The following GARIN3 variants were observed in gnomAD, a reference collection of about 807,000 sequenced individuals.
GARIN3 encodes the protein golgi associated RAB2 interactor family member 3.
At chr5:157,166,219 A>G in the GARIN3 span, 2 of 1,558,390 alleles carry the variant, frequency 1.3e-6, no homozygotes, top group South Asian at 1.2e-5. Context: ...AGTCCCCGAG[A>G]GAGAGACGGA....
At chr5:157,165,635 T>G in the GARIN3 span, 2 of 1,614,192 alleles carry the variant, frequency 1.2e-6, no homozygotes, top group African/African-American at 2.7e-5. Context: ...AACTCTCTAC[T>G]GGTGGCCTCA....
chr5:157,163,194 G>A, the GARIN3 span: 3 of 1,614,154 alleles, frequency 1.9e-6, no homozygotes, highest in Non-Finnish European at 2.5e-6. Context: ...CCATCGAGGT[G>A]GAAGTACCTT....
At chr5:157,163,328 G>T in the GARIN3 span, 1 of 1,614,124 alleles carries the variant, frequency 6.2e-7, no homozygotes, top group South Asian at 1.1e-5. Flanking sequence ...GCTCCCGCCA[G>T]CGCTGTGGTC....
the GARIN3 span, chr5:157,166,138 T>C: frequency 6.2e-7 from 1 of 1,613,050 alleles, no homozygotes; most frequent in Non-Finnish European, 8.5e-7. Context: ...CTGTGGGCTG[T>C]GTAATAAGGT....
At chr5:157,161,965 A>T in the GARIN3 span, 1 of 156,002 alleles carries the variant, frequency 6.4e-6, no homozygotes, top group Non-Finnish European at 1.4e-5. Context: ...GCCTACAAAT[A>T]CTGCTGTATT....
At chr5:157,166,198 G>A in the GARIN3 span, 2 of 1,584,748 alleles carry the variant, frequency 1.3e-6, no homozygotes, top group Admixed American at 1.7e-5. Context: ...AGCTCCACCA[G>A]CCACAAATAG....
chr5:157,162,946 C>T, the GARIN3 span: 5 of 1,614,180 alleles, frequency 3.1e-6, no homozygotes, highest in South Asian at 1.1e-5. Flanking sequence ...ACTTTTCCTA[C>T]TGGGATGTCT....
chr5:157,162,318 A>C, the GARIN3 span: 1 of 1,390,962 alleles, frequency 7.2e-7, no homozygotes, highest in East Asian at 2.3e-5. Context: ...GAAAAATTCA[A>C]GCAGGAGATT....
At chr5:157,163,061 A>C in the GARIN3 span, 81 of 1,614,218 alleles carry the variant, frequency 5.0e-5, no homozygotes, top group African/African-American at 1.0e-3. Context: ...TCGCTTTGCA[A>C]GGTGGAGATG....
the GARIN3 span, chr5:157,162,335 C>G: frequency 1.4e-6 from 2 of 1,450,428 alleles, no homozygotes; most frequent in Admixed American, 2.3e-5. Context: ...GATTGTATTT[C>G]TTTTGGAGTT....
the GARIN3 span, chr5:157,162,645 G>C: frequency 6.2e-7 from 1 of 1,614,040 alleles, no homozygotes; most frequent in Non-Finnish European, 8.5e-7. Flanking sequence ...TGGCCCTGAG[G>C]CTCCTTAAAA....
At chr5:157,161,970 T>C in the GARIN3 span, 3 of 158,776 alleles carry the variant, frequency 1.9e-5, no homozygotes, top group Non-Finnish European at 4.1e-5. Context: ...CAAATACTGC[T>C]GTATTGCTCC....
chr5:157,164,753 G>A, the GARIN3 span, among the ~76,000 whole-genome samples: 4 of 152,214 alleles, frequency 2.6e-5, no homozygotes, highest in African/African-American at 9.6e-5. Flanking sequence ...GTAGTCACAG[G>A]GAGACAGACT....
chr5:157,162,716 T>G, the GARIN3 span: 5 of 1,614,246 alleles, frequency 3.1e-6, no homozygotes, highest in Admixed American at 3.3e-5. Context: ...GATTGGTTCT[T>G]CCCCAGTTCC....
the GARIN3 span, chr5:157,162,863 G>A: frequency 3.1e-4 from 502 of 1,614,138 alleles, no homozygotes; most frequent in South Asian, 1.7e-3. Flanking sequence ...GATGCGGACC[G>A]GTGGGAAGAC....
the GARIN3 span, among the ~76,000 whole-genome samples, chr5:157,164,096 AAAGG>A: frequency 6.6e-6 from 1 of 151,918 alleles, no homozygotes; most frequent in Non-Finnish European, 1.5e-5. Flanking sequence ...AAAAAAGAAA[AAAGG>A]AAGGAGAAGG....
chr5:157,163,783 T>G, the GARIN3 span: 2 of 1,310,750 alleles, frequency 1.5e-6, no homozygotes, highest in Non-Finnish European at 2.1e-6. Flanking sequence ...GGGTCGGGTG[T>G]GGTGGCTCAC....
the GARIN3 span, chr5:157,163,509 C>T: frequency 1.8e-5 from 29 of 1,614,112 alleles, no homozygotes; most frequent in East Asian, 5.1e-4. Flanking sequence ...CTGGAGTGCT[C>T]GTGGATGGAG....
chr5:157,164,159 T>C, the GARIN3 span, among the ~76,000 whole-genome samples: 3 of 147,890 alleles, frequency 2.0e-5, no homozygotes, highest in Non-Finnish European at 4.5e-5. Context: ...TTTTTTTTTT[T>C]TTTTTTTTGA....
Sources: gnomAD v4.1 joint callset for allele counts (sites outside exome capture counted in the v4.1 genomes callset) on GRCh38, gnomAD v4.1.1 for gene constraint, MANE v1.5 for transcripts, NCBI Gene and HGNC (gene_info 2026-07-23, HGNC 2026-07-21) for gene names.